MADD: variants seen among roughly 807,000 people sequenced by gnomAD.
MADD encodes the protein MAP kinase-activating death domain protein.
A neutral mutation model predicts 176.7 loss-of-function variants in MADD; 109 were observed. The ratio of observed to expected loss-of-function variants is 0.62; its 90% confidence interval spans 0.53 to 0.72. MADD has a LOEUF of 0.72. Ranked by LOEUF, MADD falls within the 30% of genes least tolerant of loss-of-function variation. MADD has a pLI of 0.00. For synonymous variants in MADD, 771 were observed against 771.3 expected (o/e 1.00, Z 0.01); for missense variants, 1,914 against 2,045.5 (o/e 0.94, Z 1.24).
chr11:47,285,152 A>G (rs2059715311), exon 13 of MADD: 14 of 1,613,904 alleles, frequency 8.7e-6, no homozygotes, highest in Non-Finnish European at 1.1e-5. Context: ...GAGCAGGGGG[A>G]AAGTTACACT....
exon 18 of MADD, chr11:47,290,272 A>G: frequency 1.9e-6 from 3 of 1,613,978 alleles, no homozygotes; most frequent in Non-Finnish European, 2.5e-6. Flanking sequence ...GCTTTTGGAG[A>G]TTGCCCAGAC....
chr11:47,316,767 A>G (rs1424837281), intron 27 of MADD, among the ~76,000 whole-genome samples: 3 of 150,116 alleles, frequency 2.0e-5, no homozygotes, highest in East Asian at 2.0e-4. Flanking sequence ...TCTTTGAGAC[A>G]GAGTGTTGCT....
At chr11:47,327,122 A>T in intron 31 of MADD, 1 of 1,088,914 alleles carries the variant, frequency 9.2e-7, no homozygotes, top group South Asian at 3.3e-5. Flanking sequence ...TTTGGGACAC[A>T]GCAGACTGGC....
chr11:47,296,132 A>T (rs1460215058), intron 22 of MADD, 77 bp downstream of exon 24: 2 of 1,512,040 alleles, frequency 1.3e-6, no homozygotes, highest in Admixed American at 3.7e-5. Context: ...AATGAAAGTT[A>T]AGAGACGCTA....
At chr11:47,282,528 C>G (rs775691510) in exon 9 of MADD, 2 of 1,614,172 alleles carry the variant, frequency 1.2e-6, no homozygotes, top group East Asian at 4.5e-5. Context: ...CTCCTTTTGC[C>G]GAGAAATTGG....
intron 22 of MADD, among the ~76,000 whole-genome samples, chr11:47,307,193 T>C (rs2083511994): frequency 3.3e-5 from 5 of 152,056 alleles, no homozygotes; most frequent in Admixed American, 3.3e-4. Context: ...GGACTATAGA[T>C]GTGAGCTATC....
intron 22 of MADD, among the ~76,000 whole-genome samples, chr11:47,299,962 G>C (rs1445882679): frequency 2.0e-5 from 3 of 152,160 alleles, no homozygotes; most frequent in Non-Finnish European, 2.9e-5. Flanking sequence ...TCTTGCTACA[G>C]ATTGTAGAGG....
chr11:47,285,413 CCCTGCCTGG>C (rs1412588212), intron 13 of MADD, 29 bp from the exon 14 acceptor site: 1 of 1,613,042 alleles, frequency 6.2e-7, no homozygotes, highest in South Asian at 1.1e-5. Context: ...GATCAGGTAC[CCCTGCCTGG>C]GGATCATAGG....
At chr11:47,314,777 T>C (rs1414351599) in intron 26 of MADD, among the ~76,000 whole-genome samples, 3 of 152,170 alleles carry the variant, frequency 2.0e-5, no homozygotes, top group South Asian at 4.1e-4. Context: ...ACAGACTCAA[T>C]GCAGAGGCAG....
intron 3 of MADD, 104 bp downstream of exon 3, chr11:47,275,263 G>T: frequency 1.1e-6 from 1 of 940,172 alleles, no homozygotes; most frequent in South Asian, 1.6e-5. Context: ...AGGTCCTTCA[G>T]ACCTATTAAG....
chr11:47,324,886 C>T (rs751573983), intron 30 of MADD: 9 of 606,200 alleles, frequency 1.5e-5, no homozygotes, highest in Non-Finnish European at 2.3e-5. Context: ...TGGCCCTTCC[C>T]CTGCAGTGTC....
chr11:47,326,715 C>T (rs41303843), intron 30 of MADD, 23 bp from the exon 35 acceptor site: 30,762 of 1,612,702 alleles, frequency 0.019, 419 homozygotes, highest in Non-Finnish European at 0.022. Flanking sequence ...GGCCTTACCC[C>T]GGCCTCCCTC....
chr11:47,297,789 C>CTTTTTTTTTTTTTTT (rs35063043), intron 22 of MADD, among the ~76,000 whole-genome samples: 1 of 113,390 alleles, frequency 8.8e-6, no homozygotes, highest in African/African-American at 3.4e-5. Context: ...TTCTTTCTTT[C>CTTTTTTTTTTTTTTT]TTTTTTTTTT....
At chr11:47,269,880 A>C (rs1403966817), upstream of MADD, 1 of 152,048 alleles carries the variant, frequency 6.6e-6, no homozygotes, top group African/African-American at 2.4e-5. Flanking sequence ...GTCGGGTGAG[A>C]GTCTCTCTGA....
chr11:47,295,235 C>T (rs2070157648), intron 20 of MADD, among the ~76,000 whole-genome samples: 2 of 152,136 alleles, frequency 1.3e-5, no homozygotes, highest in South Asian at 2.1e-4. Context: ...TGGTCTCCAA[C>T]TCCTGGGCTG....
intron 27 of MADD, among the ~76,000 whole-genome samples, chr11:47,316,323 C>G (rs948108029): frequency 2.0e-5 from 3 of 151,854 alleles, no homozygotes; most frequent in Non-Finnish European, 4.4e-5. Flanking sequence ...CCCCTTCATC[C>G]TATAGACAAC....
At chr11:47,288,858 T>C (rs906433845) in intron 15 of MADD, 110 bp from the exon 16 acceptor site, 1 of 826,750 alleles carries the variant, frequency 1.2e-6, no homozygotes, top group African/African-American at 1.8e-5. Flanking sequence ...GTTATGTGCA[T>C]TCCTCAAGCT....
In MADD at chr11:47,276,192, T is replaced by C. The variant is rs754247907; in HGVS notation, c.953T>C (p.Leu318Ser). ...CTCCAGGTGCTAACCTGCATTCTGT[T>C]AGAGCACAAGGTGAGAGGCAAGCTT... The change falls in exon 4 of 33, where the codon TTA (leucine) becomes TCA (serine). Residue 318 changes from leucine to serine, a missense_variant. By Grantham distance (145) the Leu-to-Ser change is moderately radical. Transcript: ENST00000402192. 1.7e-5 allele frequency: 28 copies of C among 1,607,548 alleles called. No individual in the cohort carries two copies. Among genetic ancestry groups the C allele is most frequent in the Non-Finnish European group, 2.2e-5 (26 of 1,175,216 alleles).
intron 31 of MADD, 62 bp downstream of exon 35, chr11:47,326,869 TC>T (rs1406228726): frequency 1.2e-6 from 2 of 1,607,324 alleles, no homozygotes; most frequent in Non-Finnish European, 1.7e-6. Context: ...ACCTCGGAGC[TC>T]CAGAGGAGGG....
Sources: allele counts gnomAD v4.1 joint callset (sites outside exome capture counted in the v4.1 genomes callset), GRCh38; gene constraint gnomAD v4.1.1; transcripts MANE v1.5; gene names NCBI Gene and HGNC (gene_info 2026-07-23, HGNC 2026-07-21).